TENM3: variants seen among roughly 807,000 people sequenced by gnomAD.
The protein encoded by TENM3 is teneurin-3.
TENM3 carries 63 observed loss-of-function variants against 255.1 expected under a neutral mutation model. The ratio of observed to expected loss-of-function variants is 0.25; its 90% CI spans 0.20 to 0.30. The LOEUF (loss-of-function observed/expected upper bound fraction) is 0.30. TENM3 is among the 10% of genes least tolerant of loss of function. The pLI, the probability that TENM3 is intolerant of heterozygous loss-of-function variation, is 1.00. For synonymous variants in TENM3, 1,306 were observed against 1,322.3 expected (o/e 0.99, Z 0.27); for missense variants, 2,929 against 3,461.1 (o/e 0.85, Z 3.86).
intron 1 of TENM3, among the ~76,000 whole-genome samples, chr4:182,247,988 T>C (rs975059881): frequency 2.0e-5 from 3 of 152,188 alleles, no homozygotes; most frequent in Non-Finnish European, 2.9e-5. Flanking sequence ...ATAGAAAATA[T>C]TATTTAACTT....
chr4:182,418,442 A>C (rs922832971), intron 3 of TENM3, among the ~76,000 whole-genome samples: 2 of 152,218 alleles, frequency 1.3e-5, no homozygotes, highest in South Asian at 2.1e-4. Context: ...GAAGTGATCA[A>C]ACCTGCATGA....
intron 24 of TENM3, 119 bp downstream of exon 24, chr4:182,775,272 G>A (rs1273072429): frequency 2.4e-5 from 21 of 877,672 alleles, no homozygotes; most frequent in South Asian, 6.6e-5. Context: ...TGAGCACCTC[G>A]CTCAGTGTGG....
the TENM3 span, among the ~76,000 whole-genome samples, chr4:182,066,597 A>ATATATATATAT: frequency 4.1e-5 from 1 of 24,416 alleles, no homozygotes; most frequent in South Asian, 4.8e-3. Context: ...TGGTAAAAAA[A>ATATATATATAT]AAATATATAT....
chr4:181,526,661 G>A, the TENM3 span, among the ~76,000 whole-genome samples: 1,439 of 140,152 alleles, frequency 0.01, 26 homozygotes, highest in African/African-American at 0.042. Flanking sequence ...AGTGGTGGTA[G>A]TGATGGTGGT....
At chr4:182,758,647 C>T (rs768171409) in intron 22 of TENM3, among the ~76,000 whole-genome samples, 14 of 152,044 alleles carry the variant, frequency 9.2e-5, no homozygotes, top group Non-Finnish European at 2.1e-4. Context: ...GTAATATTTC[C>T]CTTCATTTTT....
chr4:181,934,481 T>G, the TENM3 span, among the ~76,000 whole-genome samples: 1 of 152,182 alleles, frequency 6.6e-6, no homozygotes, highest in Non-Finnish European at 1.5e-5. Flanking sequence ...TAAGATTTAA[T>G]CGGTAGCAGT....
chr4:182,417,561 A>G (rs1770482144), intron 3 of TENM3, among the ~76,000 whole-genome samples: 1 of 152,222 alleles, frequency 6.6e-6, no homozygotes, highest in South Asian at 2.1e-4. Context: ...TTCATAAAAT[A>G]CATTGATTAT....
At chr4:182,673,267 T>G (rs1205348170) in intron 7 of TENM3, 48 bp downstream of exon 7, 1 of 1,328,020 alleles carries the variant, frequency 7.5e-7, no homozygotes, top group African/African-American at 1.5e-5. Flanking sequence ...CCAGTTGCAT[T>G]TTTTGAAATT....
chr4:181,656,831 G>C, the TENM3 span, among the ~76,000 whole-genome samples: 2 of 152,186 alleles, frequency 1.3e-5, no homozygotes, highest in African/African-American at 2.4e-5. Context: ...AAGAGGAAAG[G>C]GTGCAGTAAG....
At chr4:182,114,463 TTC>T in the TENM3 span, among the ~76,000 whole-genome samples, 1 of 149,090 alleles carries the variant, frequency 6.7e-6, no homozygotes, top group African/African-American at 2.6e-5. Flanking sequence ...TTTAGGGAAC[TTC>T]TTTTTTTCTT....
At chr4:182,213,901 A>G (rs997282742) in intron 1 of TENM3, among the ~76,000 whole-genome samples, 2 of 152,014 alleles carry the variant, frequency 1.3e-5, no homozygotes, top group Non-Finnish European at 2.9e-5. Flanking sequence ...TCCTGGGTTC[A>G]CGCCATTCTC....
At chr4:182,762,963 A>AAAGT (rs1763332336) in intron 22 of TENM3, among the ~76,000 whole-genome samples, 2 of 150,110 alleles carry the variant, frequency 1.3e-5, no homozygotes, top group African/African-American at 4.9e-5. Flanking sequence ...AGTTCATCCC[A>AAAGT]AAGTTTGGTG....
At chr4:182,032,630 C>G in the TENM3 span, among the ~76,000 whole-genome samples, 21 of 152,240 alleles carry the variant, frequency 1.4e-4, no homozygotes, top group East Asian at 3.7e-3. Flanking sequence ...GGAAATGGTA[C>G]CAGCTCCTAT....
the TENM3 span, among the ~76,000 whole-genome samples, chr4:181,936,870 C>T: frequency 6.6e-6 from 1 of 152,022 alleles, no homozygotes; most frequent in Admixed American, 6.6e-5. Context: ...CCATGCTAGG[C>T]TCTAGGCGCA....
At chr4:182,287,608 ATTGT>A (rs1760817234) in intron 1 of TENM3, among the ~76,000 whole-genome samples, 2 of 103,656 alleles carry the variant, frequency 1.9e-5, no homozygotes, top group Non-Finnish European at 3.8e-5. Context: ...CTTTTCATTT[ATTGT>A]TTATTTATTT....
intron 4 of TENM3, among the ~76,000 whole-genome samples, chr4:182,609,222 G>C (rs893877837): frequency 6.6e-6 from 1 of 152,226 alleles, no homozygotes; most frequent in African/African-American, 2.4e-5. Flanking sequence ...GCCTCCCAAA[G>C]TGCTGGTATT....
At chr4:182,650,832 T>C (rs1561055808) in intron 5 of TENM3, among the ~76,000 whole-genome samples, 1 of 131,542 alleles carries the variant, frequency 7.6e-6, no homozygotes, top group Non-Finnish European at 1.7e-5. Flanking sequence ...TCTCATTATA[T>C]AGCATCTTCA....
the TENM3 span, among the ~76,000 whole-genome samples, chr4:182,105,556 A>G: frequency 2.0e-5 from 3 of 152,178 alleles, no homozygotes; most frequent in Non-Finnish European, 4.4e-5. Context: ...GATCAAATGC[A>G]GCCAAAGGAA....
chr4:182,476,295 G>A (rs1733677884), intron 3 of TENM3, among the ~76,000 whole-genome samples: 5 of 152,044 alleles, frequency 3.3e-5, no homozygotes, highest in Admixed American at 3.3e-4. Flanking sequence ...TTCATCTCTT[G>A]TTGGTAAAAA....
Sources: allele counts gnomAD v4.1 joint callset (sites outside exome capture counted in the v4.1 genomes callset), GRCh38; gene constraint gnomAD v4.1.1; transcripts MANE v1.5; gene names NCBI Gene and HGNC (gene_info 2026-07-23, HGNC 2026-07-21).